Variants in ACTR3C observed in about 807,000 individuals in gnomAD.
ACTR3C encodes the protein actin-related protein 3C.
ACTR3C carries 18 observed loss-of-function variants against 26.3 expected under a neutral mutation model. The observed-to-expected ratio is 0.68, with a 90% CI of 0.47 to 1.01. The LOEUF (loss-of-function observed/expected upper bound fraction) is 1.01, where lower values mean the gene tolerates loss of function less well. Among genes scored for constraint, ACTR3C ranks in the 50% least tolerant of loss-of-function variants. The pLI is 0.00. For missense variants in ACTR3C, 184 were observed against 250.7 expected (o/e 0.73, Z 1.80); for synonymous variants, 55 against 94.5 (o/e 0.58, Z 2.42).
chr7:150,216,516 G>A, the ACTR3C span, among the ~76,000 whole-genome samples: 1 of 152,172 alleles, frequency 6.6e-6, no homozygotes, highest in Non-Finnish European at 1.5e-5. Flanking sequence ...AGCCTCCTGA[G>A]TAGATAGGAC....
the ACTR3C span, among the ~76,000 whole-genome samples, chr7:150,162,023 C>T: frequency 6.6e-6 from 1 of 152,194 alleles, no homozygotes; most frequent in East Asian, 1.9e-4. Context: ...GCTTCCTACA[C>T]CAACAAGAAA....
the ACTR3C span, among the ~76,000 whole-genome samples, chr7:150,110,686 T>G: frequency 1.6e-5 from 1 of 61,768 alleles, no homozygotes; most frequent in African/African-American, 7.4e-5. Flanking sequence ...GGATGATCAG[T>G]GGTGGGGCTG....
chr7:150,035,980 G>GCCATCACAAAA, the ACTR3C span, among the ~76,000 whole-genome samples: 1 of 115,248 alleles, frequency 8.7e-6, no homozygotes, highest in African/African-American at 3.8e-5. Context: ...CTGGCTCTCA[G>GCCATCACAAAA]TCCCTGCCTC....
the ACTR3C span, among the ~76,000 whole-genome samples, chr7:150,102,565 T>C: frequency 2.6e-5 from 4 of 152,158 alleles, no homozygotes; most frequent in Non-Finnish European, 4.4e-5. Context: ...TTTTCCTAAC[T>C]GTTAAATGAA....
chr7:150,107,842 G>T, the ACTR3C span, among the ~76,000 whole-genome samples: 2 of 151,898 alleles, frequency 1.3e-5, no homozygotes, highest in Admixed American at 6.6e-5. Flanking sequence ...GGACAGAATG[G>T]GCCCCTTATA....
At chr7:150,011,981 A>G in the ACTR3C span, among the ~76,000 whole-genome samples, 1 of 152,250 alleles carries the variant, frequency 6.6e-6, no homozygotes, top group Non-Finnish European at 1.5e-5. Flanking sequence ...ACAAGAGGCG[A>G]GAGAGTTTTC....
the ACTR3C span, among the ~76,000 whole-genome samples, chr7:150,015,043 G>A: frequency 6.6e-6 from 1 of 152,166 alleles, no homozygotes; most frequent in East Asian, 1.9e-4. Flanking sequence ...GAAGATGAAT[G>A]TAGAAGAGAT....
chr7:150,095,552 T>C, the ACTR3C span, among the ~76,000 whole-genome samples: 3 of 150,612 alleles, frequency 2.0e-5, no homozygotes, highest in Admixed American at 1.3e-4. Flanking sequence ...ACAGTGTATA[T>C]ACCCTTGGAG....
the ACTR3C span, among the ~76,000 whole-genome samples, chr7:149,977,364 G>A: frequency 3.3e-5 from 5 of 152,194 alleles, no homozygotes; most frequent in South Asian, 2.1e-4. Flanking sequence ...GTACACAGAC[G>A]TTGTACTCAG....
At chr7:150,147,556 C>T in the ACTR3C span, among the ~76,000 whole-genome samples, 1 of 152,180 alleles carries the variant, frequency 6.6e-6, no homozygotes, top group East Asian at 1.9e-4. Context: ...ATCCATCCTC[C>T]TTATAAATGA....
the ACTR3C span, among the ~76,000 whole-genome samples, chr7:150,044,546 G>A: frequency 6.6e-6 from 1 of 152,156 alleles, no homozygotes; most frequent in African/African-American, 2.4e-5. Context: ...TCCCTTTGTT[G>A]CCTGTGTAGT....
the ACTR3C span, among the ~76,000 whole-genome samples, chr7:150,237,166 C>T: frequency 1.2e-4 from 18 of 152,266 alleles, no homozygotes; most frequent in Middle Eastern, 6.8e-3. Flanking sequence ...GGAAGAACTG[C>T]GGAGAGGGAC....
At chr7:150,032,585 G>C in the ACTR3C span, among the ~76,000 whole-genome samples, 1 of 152,092 alleles carries the variant, frequency 6.6e-6, no homozygotes, top group Non-Finnish European at 1.5e-5. Context: ...CATGAGCTTA[G>C]AGCAGAAACT....
At chr7:150,131,469 A>G in the ACTR3C span, among the ~76,000 whole-genome samples, 28 of 152,132 alleles carry the variant, frequency 1.8e-4, no homozygotes, top group Non-Finnish European at 3.5e-4. Context: ...CAAAACTGTC[A>G]AAATCACCCT....
chr7:150,192,864 C>T, the ACTR3C span, among the ~76,000 whole-genome samples: 1 of 152,220 alleles, frequency 6.6e-6, no homozygotes, highest in Non-Finnish European at 1.5e-5. Context: ...AACTGACACA[C>T]AGACACTGCT....
chr7:150,148,305 T>C, the ACTR3C span, among the ~76,000 whole-genome samples: 50 of 147,520 alleles, frequency 3.4e-4, no homozygotes, highest in African/African-American at 9.4e-4. Context: ...GGTGAAACCC[T>C]GTCTCTACTA....
chr7:150,071,995 G>A, the ACTR3C span, among the ~76,000 whole-genome samples: 116 of 146,620 alleles, frequency 7.9e-4, 14 homozygotes, highest in Admixed American at 3.2e-3. Flanking sequence ...ATCCAAAGGA[G>A]AGGGGAAAGG....
At chr7:150,211,790 C>T in the ACTR3C span, among the ~76,000 whole-genome samples, 4,057 of 149,058 alleles carry the variant, frequency 0.027, 68 homozygotes, top group African/African-American at 0.047. Flanking sequence ...CCTCAGTAAA[C>T]CATCCGCCAC....
At chr7:149,947,878 G>A in the ACTR3C span, among the ~76,000 whole-genome samples, 240 of 148,496 alleles carry the variant, frequency 1.6e-3, no homozygotes, top group South Asian at 3.9e-3. Flanking sequence ...CATACTCATC[G>A]TGCTCTGCCT....
Sources: gnomAD v4.1 joint callset for allele counts (sites outside exome capture counted in the v4.1 genomes callset) on GRCh38, gnomAD v4.1.1 for gene constraint, MANE v1.5 for transcripts, NCBI Gene and HGNC (gene_info 2026-07-23, HGNC 2026-07-21) for gene names.